The following GUCY1A2 variants were observed in gnomAD, a reference collection of about 807,000 sequenced individuals.
GUCY1A2 encodes the protein guanylate cyclase 1 soluble subunit alpha 2.
A neutral mutation model predicts 63.5 loss-of-function variants in GUCY1A2; 27 were observed. The ratio of observed to expected loss-of-function variants is 0.43; its 90% confidence interval spans 0.31 to 0.59. The LOEUF is 0.59. Ranked by LOEUF, GUCY1A2 falls within the 20% of genes least tolerant of loss-of-function variation. GUCY1A2 has a pLI of 0.11. For synonymous variants in GUCY1A2, 364 were observed against 343.5 expected (o/e 1.06, Z -0.66); for missense variants, 768 against 913.3 (o/e 0.84, Z 2.05).
At chr11:106,985,631 T>C (rs1046588895) in intron 2 of GUCY1A2, among the ~76,000 whole-genome samples, 16 of 152,178 alleles carry the variant, frequency 1.1e-4, no homozygotes, top group Non-Finnish European at 1.5e-4. Context: ...AAGAAAAATA[T>C]GTAGCACGTG....
At chr11:106,887,288 T>A (rs1020309232) in intron 4 of GUCY1A2, among the ~76,000 whole-genome samples, 2 of 152,106 alleles carry the variant, frequency 1.3e-5, no homozygotes, top group Non-Finnish European at 2.9e-5. Flanking sequence ...TTTTTCAATT[T>A]ATTTGATCCT....
chr11:106,805,412 AT>A (rs1858669612), intron 5 of GUCY1A2, among the ~76,000 whole-genome samples: 1 of 151,890 alleles, frequency 6.6e-6, no homozygotes, highest in Non-Finnish European at 1.5e-5. Flanking sequence ...TGCCTGGCTA[AT>A]TTTTGTATTT....
intron 4 of GUCY1A2, among the ~76,000 whole-genome samples, chr11:106,925,042 T>C (rs1860503301): frequency 6.6e-6 from 1 of 152,124 alleles, no homozygotes; most frequent in East Asian, 1.9e-4. Flanking sequence ...TGTATCATCA[T>C]CATCACCTTA....
chr11:106,959,820 G>C (rs1354585977), intron 3 of GUCY1A2, among the ~76,000 whole-genome samples: 2 of 152,168 alleles, frequency 1.3e-5, no homozygotes, highest in Admixed American at 1.3e-4. Flanking sequence ...AAACTCCTCA[G>C]CTGCAAACAT....
chr11:106,769,964 G>A (rs546362335), intron 6 of GUCY1A2, among the ~76,000 whole-genome samples: 5 of 151,790 alleles, frequency 3.3e-5, no homozygotes, highest in African/African-American at 7.2e-5. Context: ...AAATACAGTC[G>A]ACCCTGTGTA....
In GUCY1A2 at chr11:106,675,326, CAG is replaced by C. The variant is rs975345392; in HGVS notation, c.*12221_*12222del. On this transcript the variant is annotated 3_prime_UTR_variant, in exon 8 of 8. Transcript: ENST00000526355. ...CTTTCCATCCAACTTGAAGAAAAAT[CAG>C]AAAGTATTTTTCTCCATGGACCATT... The C allele has an allele frequency of 5.3e-6, 1 of 190,178 alleles. No homozygotes were observed. The highest frequency in any genetic ancestry group is 2.4e-5 in the African/African-American group (1 of 41,740). The allele number at this position is 190,178 out of a possible 1,614,324, so 11.8% of individuals were successfully genotyped here. A position where few individuals can be genotyped will look rare whatever the true frequency, so the allele number is the denominator to read the frequency against.
At chr11:106,758,452 C>G (rs2135390037) in intron 6 of GUCY1A2, among the ~76,000 whole-genome samples, 1 of 152,302 alleles carries the variant, frequency 6.6e-6, no homozygotes, top group South Asian at 2.1e-4. Context: ...TTACACTTCA[C>G]AGGTGAAGCA....
rs574761393 is a variant in GUCY1A2, at chr11:106,847,153, C to T, written c.1207-36675G>A. Among the ~76,000 whole-genome samples, 38 of 150,280 alleles carry T rather than the reference C, an allele frequency of 2.5e-4. 3 individuals carry two copies. In the South Asian group the frequency reaches 7.7e-3, roughly 30 times the overall value. On this transcript the variant is annotated intron_variant, in intron 4 of 7. Transcript: ENST00000526355. ...TATATAAATCCATTCACTCATTCCA[C>T]CAATATTTAATTGGATACTCAACAT...
chr11:106,796,931 T>A (rs1864773799), intron 5 of GUCY1A2, among the ~76,000 whole-genome samples: 1 of 152,162 alleles, frequency 6.6e-6, no homozygotes, highest in Admixed American at 6.6e-5. Flanking sequence ...GTAGATTTGG[T>A]CTTTTCACAT....
chr11:107,003,288 G>C (rs1861632669), intron 1 of GUCY1A2, among the ~76,000 whole-genome samples: 1 of 152,014 alleles, frequency 6.6e-6, no homozygotes, highest in Non-Finnish European at 1.5e-5. Flanking sequence ...AATCATACTG[G>C]ATTTGAAAAG....
chr11:106,880,322 G>T (rs1859806397), intron 4 of GUCY1A2, among the ~76,000 whole-genome samples: 1 of 151,994 alleles, frequency 6.6e-6, no homozygotes, highest in South Asian at 2.1e-4. Flanking sequence ...TTTGTTTGGG[G>T]TTAAATGATG....
At chr11:106,716,926 G>GT (rs1273921323) in intron 6 of GUCY1A2, among the ~76,000 whole-genome samples, 5 of 152,094 alleles carry the variant, frequency 3.3e-5, no homozygotes, top group African/African-American at 9.7e-5. Context: ...TGACACCATA[G>GT]TTGTCAGAGT....
chr11:106,865,183 T>C (rs1331348435), intron 4 of GUCY1A2, among the ~76,000 whole-genome samples: 4 of 152,164 alleles, frequency 2.6e-5, no homozygotes, highest in African/African-American at 9.7e-5. Flanking sequence ...TTTATTTGCG[T>C]AGAGGTGTTT....
intron 4 of GUCY1A2, among the ~76,000 whole-genome samples, chr11:106,850,007 C>T (rs1859330274): frequency 2.0e-5 from 3 of 151,712 alleles, no homozygotes; most frequent in Admixed American, 2.0e-4. Context: ...CATCACCCCA[C>T]GAAGAAACTT....
At chr11:106,936,634 A>C (rs758262216) in intron 4 of GUCY1A2, 8 of 1,462,480 alleles carry the variant, frequency 5.5e-6, no homozygotes, top group Non-Finnish European at 7.4e-6. Context: ...GCCATCTGGA[A>C]GAGTTTTTTT....
chr11:106,832,947 G>A (rs1455576084), intron 4 of GUCY1A2, among the ~76,000 whole-genome samples: 1 of 152,048 alleles, frequency 6.6e-6, no homozygotes, highest in Non-Finnish European at 1.5e-5. Context: ...TAGGGCTGCT[G>A]TAAGGAAGTA....
chr11:106,846,379 A>T (rs1383818360), intron 4 of GUCY1A2, among the ~76,000 whole-genome samples: 1 of 151,602 alleles, frequency 6.6e-6, no homozygotes, highest in African/African-American at 2.4e-5. Flanking sequence ...CTAGTTTCCA[A>T]CTTTTCTGGA....
rs1858767525 is a variant in GUCY1A2, at chr11:106,811,941, G to A, written c.1207-1463C>T. On this transcript the variant is annotated intron_variant, in intron 4 of 7. Transcript: ENST00000526355. The stretch of plus-strand genomic sequence containing the variant: ...CTATATCGGCCAGAGAATAGGAGGA[G>A]GAAGACATTCTAAATTCACTACCTA... Among the ~76,000 whole-genome samples, 4 of 151,960 alleles carry A rather than the reference G, an allele frequency of 2.6e-5. No homozygotes were observed. The South Asian group carries it at 8.3e-4, about 31-fold the overall frequency.
chr11:106,746,665 AC>A, intron 6 of GUCY1A2: 1 of 1,384,512 alleles, frequency 7.2e-7, no homozygotes, highest in Non-Finnish European at 1.0e-6. Flanking sequence ...ACACCGAGAC[AC>A]CAAGTGAATC....
Sources: gnomAD v4.1 joint callset for allele counts (sites outside exome capture counted in the v4.1 genomes callset) on GRCh38, gnomAD v4.1.1 for gene constraint, MANE v1.5 for transcripts, NCBI Gene and HGNC (gene_info 2026-07-23, HGNC 2026-07-21) for gene names.